Variants in PCDHA4 observed in about 807,000 individuals in gnomAD.
PCDHA4 encodes protocadherin alpha 4.
A neutral mutation model predicts 61.4 loss-of-function variants in PCDHA4; 49 were observed. The ratio of observed to expected loss-of-function variants is 0.80; its 90% CI spans 0.63 to 1.01. The LOEUF is 1.01. PCDHA4 is among the 50% of genes least tolerant of loss of function. The pLI, the probability that PCDHA4 is intolerant of heterozygous loss-of-function variation, is 0.00. For missense variants in PCDHA4, 1,254 were observed against 1,235.8 expected (o/e 1.01, Z -0.22); for synonymous variants, 590 against 550.3 (o/e 1.07, Z -1.01).
chr5:140,939,466 AT>A (rs1364092543), intron 1 of PCDHA4, among the ~76,000 whole-genome samples: 31 of 152,168 alleles, frequency 2.0e-4, no homozygotes, highest in African/African-American at 7.5e-4. Flanking sequence ...TAGGCCTAGA[AT>A]TCTCTTCATG....
At chr5:140,922,255 A>C (rs1415394722) in intron 1 of PCDHA4, among the ~76,000 whole-genome samples, 2 of 152,256 alleles carry the variant, frequency 1.3e-5, no homozygotes, top group Non-Finnish European at 2.9e-5. Flanking sequence ...ATAAGTTACT[A>C]AGTGCCATGA....
At chr5:140,823,017 C>G in intron 1 of PCDHA4, 2 of 1,614,228 alleles carry the variant, frequency 1.2e-6, no homozygotes, top group Non-Finnish European at 1.7e-6. Context: ...CCCTGGACCG[C>G]GAGAGCGTGT....
intron 3 of PCDHA4, among the ~76,000 whole-genome samples, chr5:140,985,897 T>G (rs1037239723): frequency 1.3e-5 from 2 of 151,648 alleles, no homozygotes; most frequent in Non-Finnish European, 2.9e-5. Context: ...CCGCCACCAC[T>G]CCCGTCTAAT....
At chr5:140,829,148 A>G (rs1306050057) in intron 1 of PCDHA4, 3 of 1,613,684 alleles carry the variant, frequency 1.9e-6, no homozygotes, top group Non-Finnish European at 2.5e-6. Context: ...GATAGCACTG[A>G]CTTCCTTATC....
intron 1 of PCDHA4, among the ~76,000 whole-genome samples, chr5:140,944,191 G>A (rs181232402): frequency 6.6e-6 from 1 of 151,980 alleles, no homozygotes. Flanking sequence ...GGTTTGTTTT[G>A]TTTTGTTTTG....
chr5:140,959,301 G>A (rs139206577), intron 1 of PCDHA4, among the ~76,000 whole-genome samples: 161 of 152,140 alleles, frequency 1.1e-3, no homozygotes, highest in Non-Finnish European at 1.1e-3. Context: ...CACTGAGCCC[G>A]GTGGTTGAAG....
chr5:140,830,427 G>A, intron 1 of PCDHA4: 1 of 1,613,868 alleles, frequency 6.2e-7, no homozygotes, highest in Non-Finnish European at 8.5e-7. Flanking sequence ...CTTTCACCTT[G>A]TCCTATTATG....
At chr5:140,969,149 G>A (rs782510891) in intron 1 of PCDHA4, 89 of 1,614,002 alleles carry the variant, frequency 5.5e-5, no homozygotes, top group Non-Finnish European at 6.8e-5. Context: ...CTGCTACAAG[G>A]CCTGTCTGAC....
intron 1 of PCDHA4, chr5:140,836,291 C>T: frequency 6.2e-7 from 1 of 1,613,720 alleles, no homozygotes; most frequent in Non-Finnish European, 8.5e-7. Context: ...CGACACGAGC[C>T]CTAGATGAGA....
chr5:140,980,395 G>T (rs182782153), intron 2 of PCDHA4, among the ~76,000 whole-genome samples: 4 of 152,316 alleles, frequency 2.6e-5, no homozygotes, highest in Non-Finnish European at 5.9e-5. Context: ...ACTTTGGGAG[G>T]CCGAGGTGGG....
intron 1 of PCDHA4, chr5:140,966,581 G>A: frequency 1.9e-6 from 1 of 535,414 alleles, no homozygotes; most frequent in Non-Finnish European, 3.0e-6. Flanking sequence ...AGTCAGCGAG[G>A]ACGGTGGGGC....
intron 1 of PCDHA4, among the ~76,000 whole-genome samples, chr5:140,963,211 G>A (rs185560728): frequency 0.016 from 2,496 of 152,042 alleles, 69 homozygotes; most frequent in African/African-American, 0.056. Flanking sequence ...AAAAAACCTC[G>A]TGTTTAGAGT....
intron 1 of PCDHA4, 40 bp downstream of exon 1, chr5:140,809,612 T>TAAA: frequency 6.6e-7 from 1 of 1,520,526 alleles, no homozygotes; most frequent in Non-Finnish European, 8.8e-7. Context: ...TTCGTATTGT[T>TAAA]TTTCTCTATC....
rs781787509 is a variant in PCDHA4 at position 140,807,664 on chromosome 5, T to C, written c.477T>C (p.Asp159=). ...DSRFPLEGAS[D]ADIGENALLT... is the part of the protein sequence containing the mutation. ...GGTTTCCACTAGAGGGCGCCTCGGA[T>C]GCAGATATCGGGGAGAACGCCCTGC... Residue 159 remains aspartate (D), a synonymous_variant, in exon 1 of 4, where the codon GAT becomes GAC. Coordinates refer to ENST00000530339, the MANE Select transcript of PCDHA4 (RefSeq NM_018907.4). 6.2e-7 allele frequency: 1 copy of C among 1,614,224 alleles called. No individual in the cohort carries two copies. Among genetic ancestry groups the C allele is most frequent in the East Asian group, 2.2e-5 (1 of 44,884 alleles).
chr5:140,903,902 A>G lies in PCDHA4; in HGVS notation c.2386-75047A>G, dbSNP rs548056424. Among the ~76,000 whole-genome samples the G allele has an allele frequency of 5.9e-5, 9 of 152,370 alleles. No individual in the cohort carries two copies. The South Asian group carries it at 1.9e-3, about 32-fold the overall frequency. On this transcript the variant is annotated intron_variant, in intron 1 of 3. Transcript: ENST00000530339. ...ACATTGAATCTTGACCTGTTTGTCA[A>G]TGATGTGACTTCCTTGCTGCATTGG...
Position 140,853,860 on chromosome 5 carries a change from C to T in PCDHA4, c.2385+44288C>T, listed in dbSNP as rs2042890748. The T allele has an allele frequency of 9.1e-6, 9 of 984,410 alleles. No individual in the cohort carries two copies. In the South Asian group the frequency reaches 3.3e-4, roughly 36 times the overall value. The allele number at this position is 984,410 out of a possible 1,614,324, so 61.0% of individuals were successfully genotyped here. On this transcript the variant is annotated intron_variant, in intron 1 of 3. Coordinates refer to ENST00000530339, the MANE Select transcript of PCDHA4 (RefSeq NM_018907.4). ...TTTAGATCCATAGCCCTATTTGATA[C>T]TTGACAGTGCAAGTTTCTGTAATTT...
chr5:140,883,768 C>T, intron 1 of PCDHA4: 1 of 1,612,160 alleles, frequency 6.2e-7, no homozygotes, highest in Non-Finnish European at 8.5e-7. Flanking sequence ...GGCGGGTGGG[C>T]GAGCGTGCGC....
chr5:140,986,371 G>A (rs1453761888), intron 3 of PCDHA4, among the ~76,000 whole-genome samples: 1 of 152,116 alleles, frequency 6.6e-6, no homozygotes, highest in African/African-American at 2.4e-5. Context: ...AATGCGTTTT[G>A]GGGGGAGGGA....
intron 1 of PCDHA4, chr5:140,830,083 G>T (rs141570762): frequency 1.2e-5 from 19 of 1,613,578 alleles, no homozygotes; most frequent in Non-Finnish European, 1.4e-5. Flanking sequence ...CGACGGCCAC[G>T]GTTCTGGTGT....
Sources: gnomAD v4.1 joint callset for allele counts (sites outside exome capture counted in the v4.1 genomes callset) on GRCh38, gnomAD v4.1.1 for gene constraint, MANE v1.5 for transcripts, NCBI Gene and HGNC (gene_info 2026-07-23, HGNC 2026-07-21) for gene names.